The following CENPP variants were observed in gnomAD, a reference collection of about 807,000 sequenced individuals.
CENPP encodes the protein centromere protein P.
Under a neutral mutation model 35.6 loss-of-function variants are expected in CENPP, and 24 were observed. The ratio of observed to expected loss-of-function variants is 0.67; its 90% CI spans 0.49 to 0.95. CENPP has a LOEUF of 0.95. CENPP is among the 40% of genes least tolerant of loss of function. The probability of loss-of-function intolerance (pLI) is 0.00; values close to 1 mark genes in which losing one functional copy is unlikely to be tolerated. For missense variants in CENPP, 332 were observed against 345.3 expected (o/e 0.96, Z 0.31); for synonymous variants, 120 against 125.5 (o/e 0.96, Z 0.29).
At chr9:92,418,081 C>CTTTTTTCT (rs144702027) in intron 5 of CENPP, among the ~76,000 whole-genome samples, 2 of 150,096 alleles carry the variant, frequency 1.3e-5, no homozygotes, top group East Asian at 4.0e-4. Flanking sequence ...TTTCTTTTTT[C>CTTTTTTCT]TTTTTCTTTT....
At chr9:92,357,935 T>A (rs943436024) in intron 4 of CENPP, among the ~76,000 whole-genome samples, 4 of 152,122 alleles carry the variant, frequency 2.6e-5, no homozygotes, top group Non-Finnish European at 4.4e-5. Context: ...AATCTGCTGA[T>A]CATTTTATTG....
chr9:92,462,993 G>T (rs1347645726), intron 5 of CENPP, among the ~76,000 whole-genome samples: 1 of 152,162 alleles, frequency 6.6e-6, no homozygotes, highest in African/African-American at 2.4e-5. Context: ...CTTAGGAAAT[G>T]GGGAAGGTGG....
At chr9:92,402,539 A>C (rs1843159436) in intron 5 of CENPP, among the ~76,000 whole-genome samples, 1 of 152,180 alleles carries the variant, frequency 6.6e-6, no homozygotes, top group Non-Finnish European at 1.5e-5. Flanking sequence ...CCCAGCATTC[A>C]TTTCTGTGTG....
intron 5 of CENPP, among the ~76,000 whole-genome samples, chr9:92,416,068 A>ATATATATTTATT (rs1275784821): frequency 7.3e-6 from 1 of 137,008 alleles, no homozygotes; most frequent in African/African-American, 2.6e-5. Flanking sequence ...GTATATATAT[A>ATATATATTTATT]TATTTATTTA....
At chr9:92,334,674 G>A (rs1840865400) in intron 2 of CENPP, among the ~76,000 whole-genome samples, 1 of 152,114 alleles carries the variant, frequency 6.6e-6, no homozygotes, top group African/African-American at 2.4e-5. Flanking sequence ...GAGGTCAGGA[G>A]TTTAAGACCA....
intron 5 of CENPP, among the ~76,000 whole-genome samples, chr9:92,441,025 A>G (rs1235624829): frequency 6.6e-6 from 1 of 152,210 alleles, no homozygotes; most frequent in African/African-American, 2.4e-5. Context: ...TCATCACCGA[A>G]CTTCGTAATG....
chr9:92,619,404 C>G lies in CENPP; in HGVS notation c.*6255C>G. On this transcript the variant is annotated 3_prime_UTR_variant, in exon 8 of 8. Transcript: ENST00000375587. ...CATGGAGTCTCTAAATATGGGGAAA[C>G]CAACTATCCTATTAACAATTCACCA... The G allele has an allele frequency of 8.6e-7, 1 of 1,157,264 alleles. No homozygotes were observed. The highest frequency in any genetic ancestry group is 2.0e-5 in the Admixed American group (1 of 50,216). The allele number at this position is 1,157,264 out of a possible 1,614,324, so 71.7% of individuals were successfully genotyped here.
intron 5 of CENPP, among the ~76,000 whole-genome samples, chr9:92,559,361 C>T (rs1239559120): frequency 1.3e-5 from 2 of 152,154 alleles, no homozygotes; most frequent in East Asian, 1.9e-4. Flanking sequence ...CGGGTAAAAT[C>T]GGAAACTTCT....
At chr9:92,457,984 A>G (rs1407539268) in intron 5 of CENPP, among the ~76,000 whole-genome samples, 4 of 152,204 alleles carry the variant, frequency 2.6e-5, no homozygotes, top group Non-Finnish European at 5.9e-5. Context: ...TCACAATTTG[A>G]TTGTGAAGAA....
At chr9:92,387,199 C>G (rs1842467357) in intron 5 of CENPP, among the ~76,000 whole-genome samples, 1 of 151,646 alleles carries the variant, frequency 6.6e-6, no homozygotes. Context: ...ATGGTGAAAC[C>G]CCATTTCTAC....
intron 5 of CENPP, among the ~76,000 whole-genome samples, chr9:92,440,082 C>T (rs1476181928): frequency 6.6e-6 from 1 of 152,164 alleles, no homozygotes; most frequent in Non-Finnish European, 1.5e-5. Context: ...AAGTCCTGTG[C>T]TGTCCAGCTC....
chr9:92,432,686 A>T (rs1035709047), intron 5 of CENPP, among the ~76,000 whole-genome samples: 1 of 152,214 alleles, frequency 6.6e-6, no homozygotes, highest in African/African-American at 2.4e-5. Flanking sequence ...CCAAAATTAT[A>T]TACACGATTA....
At chr9:92,541,948 C>T (rs924762032) in intron 5 of CENPP, among the ~76,000 whole-genome samples, 4 of 152,098 alleles carry the variant, frequency 2.6e-5, no homozygotes, top group Admixed American at 6.5e-5. Flanking sequence ...CATCCGCCGC[C>T]GCACCCAGCT....
chr9:92,420,375 T>C (rs1209865366), intron 5 of CENPP, among the ~76,000 whole-genome samples: 1 of 152,198 alleles, frequency 6.6e-6, no homozygotes, highest in Non-Finnish European at 1.5e-5. Flanking sequence ...ACTTTCTGGC[T>C]CCTTCAATCT....
At position 92,618,985 on chromosome 9, in the gene CENPP, C is replaced by T; in HGVS notation, c.*5836C>T. On this transcript the variant is annotated 3_prime_UTR_variant, in exon 8 of 8. Coordinates refer to ENST00000375587, the MANE Select transcript of CENPP (RefSeq NM_001012267.3). ...CAGAAACAGAGGGGACTGGACAAAA[C>T]TAGTGACATTAGGGAGAGGGGCGGC... 1 of 263,512 alleles carries T rather than the reference C, an allele frequency of 3.8e-6. No individual in the cohort carries two copies. The highest frequency in any genetic ancestry group is 9.6e-5 in the East Asian group (1 of 10,424). The allele number at this position is 263,512 out of a possible 1,614,324, so 16.3% of individuals were successfully genotyped here. A position where few individuals can be genotyped will look rare whatever the true frequency, so the allele number is the denominator to read the frequency against.
Position 92,614,013 on chromosome 9 carries a change from A to T in CENPP, c.*864A>T, listed in dbSNP as rs1403493525. ...CACCCGCGGCTCAGGGGCTCCTCAC[A>T]GCCCGGGCTGGTGGGAGCCAAGACC... On this transcript the variant is annotated 3_prime_UTR_variant, in exon 8 of 8. Transcript: ENST00000375587. 1 of 152,266 alleles carries T rather than the reference A, an allele frequency of 6.6e-6. No homozygotes were observed. The highest frequency in any genetic ancestry group is 1.9e-4 in the East Asian group (1 of 5,194). 9.4% of individuals were successfully genotyped at this position (152,266 alleles called of 1,614,324 possible).
At chr9:92,364,272 G>A (rs139227504) in intron 4 of CENPP, among the ~76,000 whole-genome samples, 59 of 152,010 alleles carry the variant, frequency 3.9e-4, no homozygotes, top group African/African-American at 1.4e-3. Flanking sequence ...GGCTCAAGCA[G>A]TCATCCTGCC....
chr9:92,389,786 C>G, intron 5 of CENPP: 3 of 1,044,626 alleles, frequency 2.9e-6, no homozygotes, highest in Non-Finnish European at 4.2e-6. Context: ...CAATTCTAGA[C>G]CAAAGTTTCT....
At chr9:92,354,912 T>G (rs2130821566) in intron 4 of CENPP, among the ~76,000 whole-genome samples, 1 of 152,100 alleles carries the variant, frequency 6.6e-6, no homozygotes, top group Middle Eastern at 3.4e-3. Flanking sequence ...GACCAGCAAG[T>G]TTTTATTAAG....
Sources: allele counts gnomAD v4.1 joint callset (sites outside exome capture counted in the v4.1 genomes callset), GRCh38; gene constraint gnomAD v4.1.1; transcripts MANE v1.5; gene names NCBI Gene and HGNC (gene_info 2026-07-23, HGNC 2026-07-21).